Variants in TEK observed in about 807,000 individuals in gnomAD.
TEK encodes TEK receptor tyrosine kinase, also known as angiopoietin-1 receptor.
In TEK, 43 loss-of-function variants were observed where a neutral mutation model predicts 131.8. The ratio of observed to expected loss-of-function variants is 0.33; its 90% CI spans 0.26 to 0.42. TEK has a LOEUF of 0.42. TEK is among the 10% of genes least tolerant of loss of function. TEK has a pLI of 1.00. For synonymous variants in TEK, 580 were observed against 491.6 expected (o/e 1.18, Z -2.38); for missense variants, 1,162 against 1,384.4 (o/e 0.84, Z 2.55).
At chr9:27,157,689 T>C in intron 1 of TEK, 142 bp from the exon 2 acceptor site, 1 of 1,015,812 alleles carries the variant, frequency 9.8e-7, no homozygotes, top group Non-Finnish European at 1.5e-6. Context: ...TTTTGTCCAG[T>C]GGAAGATAGG....
intron 6 of TEK, 151 bp from the exon 7 acceptor site, chr9:27,180,089 A>T: frequency 1.7e-6 from 2 of 1,143,242 alleles, no homozygotes; most frequent in Non-Finnish European, 2.5e-6. Context: ...CCAGCTTTTT[A>T]AGTTCCTGGT....
chr9:27,218,894 A>C, intron 20 of TEK, 77 bp downstream of exon 20: 2 of 1,379,120 alleles, frequency 1.5e-6, no homozygotes. Context: ...CTTGCTGCAT[A>C]ATTCCACAGG....
chr9:27,224,838 G>C (rs1826249364), intron 21 of TEK, among the ~76,000 whole-genome samples: 2 of 152,216 alleles, frequency 1.3e-5, no homozygotes, highest in Admixed American at 6.5e-5. Context: ...CAGATGACAT[G>C]ATTGTATTTC....
chr9:27,219,244 CATTT>C (rs1564107294), intron 20 of TEK, among the ~76,000 whole-genome samples: 1 of 152,108 alleles, frequency 6.6e-6, no homozygotes, highest in African/African-American at 2.4e-5. Flanking sequence ...AAGGTAATAA[CATTT>C]ATTCTTCATG....
At chr9:27,213,366 T>C (rs901918884) in intron 17 of TEK, 118 bp from the exon 18 acceptor site, 32 of 737,046 alleles carry the variant, frequency 4.3e-5, no homozygotes, top group Non-Finnish European at 7.5e-5. Context: ...TTAAGGGAAC[T>C]GGATTGTGAC....
chr9:27,213,917 A>C (rs1191355500), intron 18 of TEK, among the ~76,000 whole-genome samples: 1 of 152,206 alleles, frequency 6.6e-6, no homozygotes, highest in African/African-American at 2.4e-5. Flanking sequence ...AGGAGCTTGC[A>C]CAATCCCCTT....
In TEK at chr9:27,203,011, GGCCTAGA is replaced by G; in HGVS notation, c.2106_2112del (p.Glu703LysfsTer14). 1 of 1,614,068 alleles carries G rather than the reference GGCCTAGA, an allele frequency of 6.2e-7. No homozygotes were observed. Among genetic ancestry groups the G allele is most frequent in the Non-Finnish European group, 8.5e-7 (1 of 1,179,982 alleles). On this transcript the variant is annotated frameshift_variant, in exon 13 of 23. Coordinates refer to ENST00000380036, the MANE Select transcript of TEK (RefSeq NM_000459.5). LOFTEE classifies it high-confidence loss of function. Reference sequence around the variant, plus strand: ...CACCATCACTCAGTATCAGCTCAAGGGCCTAGAGCCTGAAACAGCATACCAGGTGGAC... The same window carrying G: ...CACCATCACTCAGTATCAGCTCAAGGGCCTGAAACAGCATACCAGGTGGAC...
At chr9:27,207,075 C>G (rs562716371) in intron 15 of TEK, among the ~76,000 whole-genome samples, 2 of 152,330 alleles carry the variant, frequency 1.3e-5, no homozygotes, top group East Asian at 3.9e-4. Context: ...ATCATTGTTT[C>G]TCTTAAAGCA....
At chr9:27,124,321 G>A (rs893610496) in intron 1 of TEK, among the ~76,000 whole-genome samples, 3 of 152,224 alleles carry the variant, frequency 2.0e-5, no homozygotes, top group Admixed American at 2.0e-4. Flanking sequence ...GCTTCAGGTT[G>A]CAGCAGCTGG....
intron 21 of TEK, among the ~76,000 whole-genome samples, chr9:27,226,470 C>T (rs904103747): frequency 6.6e-6 from 1 of 151,214 alleles, no homozygotes; most frequent in African/African-American, 2.4e-5. Flanking sequence ...TCTCAGGAAA[C>T]TAGCACAAGA....
intron 1 of TEK, among the ~76,000 whole-genome samples, chr9:27,138,309 T>C (rs896639070): frequency 6.6e-6 from 1 of 152,172 alleles, no homozygotes; most frequent in African/African-American, 2.4e-5. Flanking sequence ...TGCTGATTGG[T>C]CCATTTTGCA....
chr9:27,196,762 CTTTTTT>C (rs367911024), intron 11 of TEK, among the ~76,000 whole-genome samples: 6 of 99,290 alleles, frequency 6.0e-5, no homozygotes, highest in Admixed American at 5.1e-4. Flanking sequence ...GTGCTATACA[CTTTTTT>C]TTTTTTTTTT....
intron 6 of TEK, 35 bp from the exon 7 acceptor site, chr9:27,180,205 G>C (rs1418147206): frequency 6.2e-7 from 1 of 1,613,088 alleles, no homozygotes; most frequent in Non-Finnish European, 8.5e-7. Flanking sequence ...TCTTCCCCTG[G>C]ATTAATACTG....
At chr9:27,113,096 G>GAACAT (rs1178104368) in intron 1 of TEK, among the ~76,000 whole-genome samples, 7 of 152,200 alleles carry the variant, frequency 4.6e-5, no homozygotes, top group African/African-American at 1.7e-4. Context: ...ATTTAACAGC[G>GAACAT]AACATAGCAG....
Position 27,158,152 on chromosome 9 carries a change from C to A in TEK, c.364+10C>A. The A allele has an allele frequency of 6.2e-7, 1 of 1,613,938 alleles. No homozygotes were observed. ...AAGATGCGTCAACAAGGTAACATGC[C>A]CCTAAGTTTTGGGCAGGTGAGGCCC... On this transcript the variant is annotated intron_variant, in intron 2 of 22. Transcript: ENST00000380036.
At position 27,189,894 on chromosome 9, in the gene TEK, T is replaced by C. The variant is rs1824747617; in HGVS notation, c.1328-635T>C. ...TATAGAGAGAGAATGAATTATGATC[T>C]AGAAGAAAGACCAATATCAAATAAT... is the stretch of plus-strand genomic sequence containing the variant. On this transcript the variant is annotated intron_variant, in intron 9 of 22. Transcript: ENST00000380036. 2.0e-5 allele frequency among the ~76,000 whole-genome samples: 3 copies of C among 152,118 alleles called. No individual in the cohort carries two copies. The South Asian group carries it at 6.2e-4, about 32-fold the overall frequency.
chr9:27,173,191 C>G (rs755790582), intron 5 of TEK, 31 bp from the exon 6 acceptor site: 1 of 1,613,724 alleles, frequency 6.2e-7, no homozygotes, highest in Non-Finnish European at 8.5e-7. Flanking sequence ...GCATATTTGA[C>G]TCTGAATCAT....
rs1031698859 is a variant in TEK, at chr9:27,109,439, C to G, written c.-152C>G. 1 of 788,118 alleles carries G rather than the reference C, an allele frequency of 1.3e-6. No homozygotes were observed. Among genetic ancestry groups the G allele is most frequent in the East Asian group, 2.4e-5 (1 of 41,208 alleles). The allele number at this position is 788,118 out of a possible 1,614,324, so 48.8% of individuals were successfully genotyped here. A position where few individuals can be genotyped will look rare whatever the true frequency, so the allele number is the denominator to read the frequency against. On this transcript the variant is annotated 5_prime_UTR_variant, in exon 1 of 23. Transcript: ENST00000380036. ...TCAGACAGAAATGAGACTGTTACAGCCTGCTTCTGTGCTGTTCCTTCTTGC... is the reference window on the plus strand; with the variant it reads ...TCAGACAGAAATGAGACTGTTACAGGCTGCTTCTGTGCTGTTCCTTCTTGC...
At chr9:27,222,125 G>A (rs1826109058) in intron 21 of TEK, among the ~76,000 whole-genome samples, 1 of 152,110 alleles carries the variant, frequency 6.6e-6, no homozygotes, top group Non-Finnish European at 1.5e-5. Context: ...GGATCAAGTG[G>A]AAGAAAGGAT....
Sources: allele counts gnomAD v4.1 joint callset (sites outside exome capture counted in the v4.1 genomes callset), GRCh38; gene constraint gnomAD v4.1.1; transcripts MANE v1.5; gene names NCBI Gene and HGNC (gene_info 2026-07-23, HGNC 2026-07-21).